KIAA1217: variants seen among roughly 807,000 people sequenced by gnomAD.
KIAA1217 encodes the protein KIAA1217.
In KIAA1217, 88 loss-of-function variants were observed where a neutral mutation model predicts 163.9. The ratio of observed to expected loss-of-function variants is 0.54; its 90% CI spans 0.45 to 0.64. The LOEUF is 0.64. Ranked by LOEUF, KIAA1217 falls within the 30% of genes least tolerant of loss-of-function variation. The pLI is 0.00. For missense variants in KIAA1217, 2,372 were observed against 2,475.0 expected (o/e 0.96, Z 0.88); for synonymous variants, 903 against 923.1 (o/e 0.98, Z 0.39).
intron 2 of KIAA1217, among the ~76,000 whole-genome samples, chr10:24,190,044 G>A (rs1281978085): frequency 1.3e-5 from 2 of 148,654 alleles, no homozygotes; most frequent in Non-Finnish European, 3.0e-5. Flanking sequence ...AAAAAAAAAA[G>A]TATGATTGGA....
At chr10:23,980,501 T>C (rs572530348) in intron 1 of KIAA1217, among the ~76,000 whole-genome samples, 1 of 152,308 alleles carries the variant, frequency 6.6e-6, no homozygotes, top group South Asian at 2.1e-4. Context: ...TCACGGTGTC[T>C]GGTGCCTTGA....
chr10:24,281,492 C>A (rs755049193), intron 2 of KIAA1217, among the ~76,000 whole-genome samples: 2 of 152,154 alleles, frequency 1.3e-5, no homozygotes, highest in Non-Finnish European at 2.9e-5. Context: ...CATACACTTA[C>A]CCTCAGTGAG....
intron 2 of KIAA1217, among the ~76,000 whole-genome samples, chr10:24,242,404 T>C (rs866404949): frequency 6.6e-6 from 1 of 152,214 alleles, no homozygotes; most frequent in African/African-American, 2.4e-5. Flanking sequence ...GCTCCATCCA[T>C]GTTGCTGCCA....
intron 20 of KIAA1217, chr10:24,545,393 T>C (rs1367745682): frequency 7.5e-7 from 1 of 1,328,540 alleles, no homozygotes; most frequent in Non-Finnish European, 9.6e-7. Context: ...TAGTGTTTCA[T>C]CTGAACACCT....
intron 1 of KIAA1217, among the ~76,000 whole-genome samples, chr10:23,932,270 G>T (rs138457343): frequency 6.6e-6 from 1 of 152,154 alleles, no homozygotes; most frequent in Non-Finnish European, 1.5e-5. Context: ...CAGGACTGTC[G>T]CCTGCAGGGT....
intron 9 of KIAA1217, among the ~76,000 whole-genome samples, chr10:24,510,021 G>C (rs893320367): frequency 1.3e-5 from 2 of 152,156 alleles, no homozygotes; most frequent in Non-Finnish European, 2.9e-5. Flanking sequence ...CATGCATGCA[G>C]TTCTAACCTG....
intron 1 of KIAA1217, among the ~76,000 whole-genome samples, chr10:23,827,308 G>C (rs1389601232): frequency 2.0e-5 from 3 of 152,158 alleles, no homozygotes; most frequent in Non-Finnish European, 4.4e-5. Context: ...GGAAGAGCCT[G>C]AAAAACTTTC....
At chr10:24,460,475 C>A (rs547221785) in intron 5 of KIAA1217, among the ~76,000 whole-genome samples, 60 of 152,172 alleles carry the variant, frequency 3.9e-4, no homozygotes, top group African/African-American at 1.3e-3. Context: ...TTGTTTTTTT[C>A]ATGTTTATTT....
At chr10:24,033,261 T>G (rs1455075736) in intron 2 of KIAA1217, among the ~76,000 whole-genome samples, 1 of 152,238 alleles carries the variant, frequency 6.6e-6, no homozygotes, top group African/African-American at 2.4e-5. Flanking sequence ...CTGTAGCATT[T>G]GACTATAAAA....
intron 2 of KIAA1217, among the ~76,000 whole-genome samples, chr10:24,068,109 G>GCCTTGCT (rs2061039334): frequency 6.6e-6 from 1 of 152,166 alleles, no homozygotes; most frequent in African/African-American, 2.4e-5. Context: ...GCGATGCCTC[G>GCCTTGCT]CCTTGCTTCC....
chr10:23,909,554 C>A lies in KIAA1217; in HGVS notation c.-320-97671C>A, dbSNP rs1051632297. ...TTATAAAAAAAAGAAAAATGAAAGT[C>A]GTATAGAAAAGAAAGCTAAGGGAAT... On this transcript the variant is annotated intron_variant, in intron 1 of 18. Coordinates refer to the KIAA1217 transcript ENST00000376462. Among the ~76,000 whole-genome samples, 3 of 151,792 alleles carry A rather than the reference C, an allele frequency of 2.0e-5. No individual in the cohort carries two copies. The South Asian group carries it at 6.2e-4, about 32-fold the overall frequency.
chr10:24,473,282 G>A lies in KIAA1217; in HGVS notation c.901G>A (p.Gly301Arg), dbSNP rs748603245. The change falls in exon 6 of 21, where the codon GGA becomes AGA. Residue 301 changes from glycine (G) to arginine (R), a missense_variant. Physicochemically the swap from Gly to Arg is moderately radical, Grantham distance 125. Coordinates refer to ENST00000376454, the MANE Select transcript of KIAA1217 (RefSeq NM_019590.5). The stretch of plus-strand genomic sequence containing the variant: ...AGATGGCCCTGGGGCCCCTCGCCCC[G>A]GATCTACTGCTCATCCACCCCATGC... ...RGDGPGAPRP[G>R]STAHPPHAIP... 74 of 1,527,036 alleles carry A rather than the reference G, an allele frequency of 4.8e-5. 3 individuals carry two copies. In the Middle Eastern group the frequency reaches 6.7e-3, roughly 139 times the overall value. 94.6% of individuals were successfully genotyped at this position (1,527,036 alleles called of 1,614,324 possible). A position where few individuals can be genotyped will look rare whatever the true frequency, so the allele number is the denominator to read the frequency against.
At chr10:23,816,355 C>T (rs995936444) in intron 1 of KIAA1217, among the ~76,000 whole-genome samples, 2 of 152,084 alleles carry the variant, frequency 1.3e-5, no homozygotes, top group South Asian at 2.1e-4. Flanking sequence ...TGCAGTGGTG[C>T]TATCTCGGCT....
chr10:23,762,054 G>C (rs150205762), intron 1 of KIAA1217, among the ~76,000 whole-genome samples: 1 of 152,040 alleles, frequency 6.6e-6, no homozygotes, highest in African/African-American at 2.4e-5. Context: ...ACTAAACCAG[G>C]AAGAAGTCAA....
chr10:23,726,977 C>CTTTT (rs1564369862), intron 1 of KIAA1217, among the ~76,000 whole-genome samples: 6 of 127,246 alleles, frequency 4.7e-5, no homozygotes, highest in African/African-American at 1.4e-4. Context: ...TTGTATAGGC[C>CTTTT]TCTTTTTTTT....
chr10:24,509,331 C>T (rs1406479866), intron 9 of KIAA1217, among the ~76,000 whole-genome samples: 1 of 152,144 alleles, frequency 6.6e-6, no homozygotes, highest in East Asian at 1.9e-4. Flanking sequence ...TGATTCACTC[C>T]TCATTGCCCA....
intron 2 of KIAA1217, among the ~76,000 whole-genome samples, chr10:24,166,832 A>G (rs1253914364): frequency 6.6e-6 from 1 of 152,172 alleles, no homozygotes; most frequent in Non-Finnish European, 1.5e-5. Context: ...AATTACCCTG[A>G]TTTGATTATA....
chr10:24,491,286 C>CTTTTTTTTTTTTTTTTTTTTTTTTTCT (rs1169407580), intron 6 of KIAA1217, among the ~76,000 whole-genome samples: 1 of 114,738 alleles, frequency 8.7e-6, no homozygotes, highest in Non-Finnish European at 1.7e-5. Flanking sequence ...TTTTTTTTTC[C>CTTTTTTTTTTTTTTTTTTTTTTTTTCT]TTTTTTTTTT....
At chr10:24,426,534 G>A (rs1007867326) in intron 3 of KIAA1217, among the ~76,000 whole-genome samples, 1 of 152,082 alleles carries the variant, frequency 6.6e-6, no homozygotes, top group African/African-American at 2.4e-5. Context: ...TGAAGCAAGA[G>A]AATCACTTGA....
Sources: gnomAD v4.1 joint callset for allele counts (sites outside exome capture counted in the v4.1 genomes callset) on GRCh38, gnomAD v4.1.1 for gene constraint, MANE v1.5 for transcripts, NCBI Gene and HGNC (gene_info 2026-07-23, HGNC 2026-07-21) for gene names.